The following CDC14A variants were observed in gnomAD, a reference collection of about 807,000 sequenced individuals.
The protein encoded by CDC14A is cell division cycle 14A.
Under a neutral mutation model 74.4 loss-of-function variants are expected in CDC14A, and 53 were observed. That is an observed-to-expected ratio of 0.71 (90% CI 0.57 to 0.89). CDC14A has a LOEUF of 0.89. CDC14A is among the 40% of genes least tolerant of loss of function. The pLI is 0.00. For synonymous variants in CDC14A, 247 were observed against 258.4 expected (o/e 0.96, Z 0.43); for missense variants, 646 against 713.7 (o/e 0.91, Z 1.08).
chr1:100,441,340 A>G (rs998028223), intron 6 of CDC14A, among the ~76,000 whole-genome samples: 1 of 152,182 alleles, frequency 6.6e-6, no homozygotes, highest in African/African-American at 2.4e-5. Flanking sequence ...CACCTGAGAC[A>G]TTTCCTGTAA....
At chr1:100,432,909 A>G (rs549085190) in intron 5 of CDC14A, among the ~76,000 whole-genome samples, 1 of 152,240 alleles carries the variant, frequency 6.6e-6, no homozygotes, top group East Asian at 1.9e-4. Flanking sequence ...TGTTTTCAGA[A>G]ATAGAGTCTC....
At position 100,459,086 on chromosome 1, in the gene CDC14A, A is replaced by AAC. The variant is rs751247467; in HGVS notation, c.608-3552_608-3551dup. Among the ~76,000 whole-genome samples, 403 of 129,254 alleles carry AAC rather than the reference A, an allele frequency of 3.1e-3. 5 individuals carry two copies. Among genetic ancestry groups the AAC allele is most frequent in the African/African-American group, 9.1e-3 (257 of 28,204 alleles). 84.8% of individuals were successfully genotyped at this position (129,254 alleles called of 152,430 possible). ...TCACTGTCATTCTCACTTCTATTTA[A>AAC]ACACACACACACACGCACACACACA... is the stretch of plus-strand genomic sequence containing the variant. On this transcript the variant is annotated intron_variant, in intron 8 of 15. Coordinates refer to ENST00000336454, the MANE Select transcript of CDC14A (RefSeq NM_003672.4).
In CDC14A at chr1:100,449,191, C is replaced by T. The variant is rs567232223; in HGVS notation, c.519+6195C>T. 1.8e-4 allele frequency among the ~76,000 whole-genome samples: 27 copies of T among 152,276 alleles called. No homozygotes were observed. In the South Asian group the frequency reaches 4.6e-3, roughly 26 times the overall value. The stretch of plus-strand genomic sequence containing the variant: ...TTATTTTAGCCACATTACAATGTAG[C>T]GCATCTGGGAACTGTTTGTGAAAAA... On this transcript the variant is annotated intron_variant, in intron 7 of 15. Transcript: ENST00000336454.
chr1:100,420,404 G>T (rs1241521169), intron 4 of CDC14A, among the ~76,000 whole-genome samples: 1 of 151,782 alleles, frequency 6.6e-6, no homozygotes, highest in African/African-American at 2.4e-5. Context: ...TTTAATGACT[G>T]CAGGATTTAG....
intron 3 of CDC14A, among the ~76,000 whole-genome samples, chr1:100,377,831 A>G (rs1655498280): frequency 1.3e-5 from 2 of 152,216 alleles, no homozygotes; most frequent in South Asian, 2.1e-4. Flanking sequence ...ATGAATTGCA[A>G]TATGAGCTGA....
chr1:100,493,179 G>C (rs1389162515), intron 11 of CDC14A, among the ~76,000 whole-genome samples: 2 of 152,188 alleles, frequency 1.3e-5, no homozygotes, highest in African/African-American at 4.8e-5. Flanking sequence ...GATCCTCCTA[G>C]TTGGAGGAAC....
intron 4 of CDC14A, among the ~76,000 whole-genome samples, chr1:100,402,642 A>G (rs1209223557): frequency 6.6e-6 from 1 of 152,148 alleles, no homozygotes; most frequent in East Asian, 1.9e-4. Flanking sequence ...GTCATATTTC[A>G]GTTGGAGAAT....
intron 8 of CDC14A, among the ~76,000 whole-genome samples, chr1:100,456,888 C>T (rs903317659): frequency 2.0e-5 from 3 of 152,178 alleles, no homozygotes; most frequent in Non-Finnish European, 2.9e-5. Context: ...AGAATTTGAT[C>T]TTCTTACTTA....
At chr1:100,504,769 C>T (rs1427044763) in intron 15 of CDC14A, 4 of 1,404,894 alleles carry the variant, frequency 2.8e-6, no homozygotes. Context: ...TGTATCTTTG[C>T]ACCAGCATTT....
intron 5 of CDC14A, among the ~76,000 whole-genome samples, chr1:100,424,997 G>A (rs1380536353): frequency 1.3e-5 from 2 of 151,960 alleles, no homozygotes; most frequent in East Asian, 1.9e-4. Flanking sequence ...GTGAAACCCC[G>A]TCTCTACTAA....
intron 8 of CDC14A, among the ~76,000 whole-genome samples, chr1:100,458,205 A>G (rs985935010): frequency 6.6e-6 from 1 of 152,236 alleles, no homozygotes; most frequent in Non-Finnish European, 1.5e-5. Flanking sequence ...GTCCAGGTTC[A>G]TAGGCCAGTA....
At chr1:100,372,130 A>G (rs778850712) in intron 2 of CDC14A, among the ~76,000 whole-genome samples, 1 of 152,250 alleles carries the variant, frequency 6.6e-6, no homozygotes, top group Non-Finnish European at 1.5e-5. Flanking sequence ...ATATACCTTA[A>G]CTAAAAATAC....
intron 1 of CDC14A, among the ~76,000 whole-genome samples, chr1:100,346,256 T>C (rs1038173432): frequency 5.9e-5 from 9 of 152,182 alleles, no homozygotes; most frequent in Non-Finnish European, 1.3e-4. Context: ...ATGGCTATGG[T>C]GGTGATGGCT....
intron 1 of CDC14A, among the ~76,000 whole-genome samples, chr1:100,346,804 C>G (rs1376181157): frequency 6.6e-6 from 1 of 152,184 alleles, no homozygotes. Flanking sequence ...CCTTCTAAAA[C>G]TGCACCATTC....
rs371487172 is a variant in CDC14A, at chr1:100,474,847, C to T, written c.977+6753C>T. Reference sequence around the variant, plus strand: ...TATATTTATTATTTCCTTCTGCTTCCTTGTAGTTTTCAGTATTTTGGCAAT... The same window carrying T: ...TATATTTATTATTTCCTTCTGCTTCTTTGTAGTTTTCAGTATTTTGGCAAT... On this transcript the variant is annotated intron_variant, in intron 10 of 15. Transcript: ENST00000336454. 7.9e-5 allele frequency among the ~76,000 whole-genome samples: 12 copies of T among 151,340 alleles called. No homozygotes were observed. The South Asian group carries it at 1.5e-3, about 18-fold the overall frequency.
intron 2 of CDC14A, among the ~76,000 whole-genome samples, chr1:100,361,219 G>A (rs12083231): frequency 1.8e-4 from 28 of 152,232 alleles, no homozygotes; most frequent in African/African-American, 6.5e-4. Context: ...ACTTTCATAA[G>A]TGGTTGAAAA....
rs572245629 is a variant in CDC14A, at chr1:100,359,285, C to T, written c.140+5433C>T. On this transcript the variant is annotated intron_variant, in intron 2 of 15. Coordinates refer to ENST00000336454, the MANE Select transcript of CDC14A (RefSeq NM_003672.4). Reference sequence around the variant, plus strand: ...GAGTTAGATGCTGTTATTATCACTACTTAACAAAGGAGGAAGTAGAGGTCC... The same window carrying T: ...GAGTTAGATGCTGTTATTATCACTATTTAACAAAGGAGGAAGTAGAGGTCC... Among the ~76,000 whole-genome samples the T allele has an allele frequency of 1.2e-4, 18 of 152,312 alleles. No homozygotes were observed. The South Asian group carries it at 3.5e-3, about 30-fold the overall frequency.
chr1:100,412,784 A>ATATATATT (rs1661045202), intron 4 of CDC14A, among the ~76,000 whole-genome samples: 1 of 117,026 alleles, frequency 8.5e-6, no homozygotes, highest in African/African-American at 4.2e-5. Context: ...ATATATATAT[A>ATATATATT]GTATGTATGC....
chr1:100,379,170 C>A (rs573316185), intron 3 of CDC14A, among the ~76,000 whole-genome samples: 18 of 152,226 alleles, frequency 1.2e-4, no homozygotes, highest in South Asian at 2.1e-4. Flanking sequence ...TGGTCTGACT[C>A]AGTGTTCTAC....
Sources: gnomAD v4.1 joint callset for allele counts (sites outside exome capture counted in the v4.1 genomes callset) on GRCh38, gnomAD v4.1.1 for gene constraint, MANE v1.5 for transcripts, NCBI Gene and HGNC (gene_info 2026-07-23, HGNC 2026-07-21) for gene names.